The following MTM1 variants were observed in gnomAD, a reference collection of about 807,000 sequenced individuals.
The protein encoded by MTM1 is myotubularin 1.
Under a neutral mutation model 52.1 loss-of-function variants are expected in MTM1, and 9 were observed. The ratio of observed to expected loss-of-function variants is 0.17; its 90% CI spans 0.10 to 0.30. The LOEUF is 0.30. Among genes scored for constraint, MTM1 ranks in the 10% least tolerant of loss-of-function variants. MTM1 has a pLI of 1.00. For synonymous variants in MTM1, 136 were observed against 163.8 expected, an observed-to-expected ratio of 0.83 and a Z score of 1.29; for missense variants, 277 against 470.7, an observed-to-expected ratio of 0.59 and a Z score of 3.81.
At chrX:150,620,591 C>T (rs149753152) in intron 6 of MTM1, among the ~76,000 whole-genome samples, 1,210 of 111,907 alleles carry the variant, frequency 0.011, 9 homozygotes, top group Non-Finnish European at 0.014. Flanking sequence ...TGTATTCCTG[C>T]ACCATCTTGA....
chrX:150,607,117 A>G (rs2039182833), intron 4 of MTM1, among the ~76,000 whole-genome samples: 1 of 108,334 alleles, frequency 9.2e-6, no homozygotes, highest in Admixed American at 9.9e-5. Context: ...CTTCCCGAGT[A>G]GCTGGGATTA....
intron 12 of MTM1, among the ~76,000 whole-genome samples, 162 bp from the exon 13 acceptor site, chrX:150,660,209 T>TA (rs2040196267): frequency 1.8e-5 from 2 of 112,079 alleles, no homozygotes; most frequent in South Asian, 7.4e-4. Flanking sequence ...TATAAACTGC[T>TA]AAAAAAAGAA....
At chrX:150,668,146 C>G (rs1214458035) in intron 14 of MTM1, among the ~76,000 whole-genome samples, 2 of 112,742 alleles carry the variant, frequency 1.8e-5, no homozygotes, top group Non-Finnish European at 3.8e-5. Flanking sequence ...CCTGGAGCCA[C>G]TAGAAGCTGG....
At chrX:150,657,481 G>T (rs1471690096) in intron 10 of MTM1, among the ~76,000 whole-genome samples, 1 of 89,621 alleles carries the variant, frequency 1.1e-5, no homozygotes, top group Non-Finnish European at 2.2e-5. Flanking sequence ...TTGTGGGGTG[G>T]GGGGAGGGAT....
intron 8 of MTM1, among the ~76,000 whole-genome samples, chrX:150,644,474 CT>C (rs1183346425): frequency 1.8e-5 from 2 of 111,966 alleles, no homozygotes; most frequent in Non-Finnish European, 3.8e-5. Flanking sequence ...ACTGTATAAT[CT>C]TTTCTCAATA....
chrX:150,608,851 A>G lies in MTM1; in HGVS notation c.232-5738A>G, dbSNP rs782274260. ...GATGATTATTATTATTATTTTTGAG[A>G]TGAAGTCTCGCTCTTGTCCCCCGGC... On this transcript the variant is annotated intron_variant, in intron 4 of 14. Coordinates refer to ENST00000370396, the MANE Select transcript of MTM1 (RefSeq NM_000252.3). 7.2e-5 allele frequency among the ~76,000 whole-genome samples: 8 copies of G among 110,350 alleles called. No individual in the cohort carries two copies. The South Asian group carries it at 2.7e-3, about 38-fold the overall frequency.
intron 9 of MTM1, among the ~76,000 whole-genome samples, chrX:150,648,799 T>C (rs2039974522): frequency 8.9e-6 from 1 of 112,870 alleles, no homozygotes; most frequent in African/African-American, 3.2e-5. Context: ...TTCTATTCTT[T>C]CAGAGCTCAC....
At chrX:150,586,913 C>CA (rs10618246) in intron 1 of MTM1, among the ~76,000 whole-genome samples, 1,300 of 60,614 alleles carry the variant, frequency 0.021, 26 homozygotes, top group African/African-American at 0.075. Flanking sequence ...CACTCTGTCT[C>CA]AAAAAAAAAA....
chrX:150,607,695 A>G (rs1228638396), intron 4 of MTM1, among the ~76,000 whole-genome samples: 1 of 110,873 alleles, frequency 9.0e-6, no homozygotes, highest in Non-Finnish European at 1.9e-5. Flanking sequence ...CTCCATTGTC[A>G]GTTGCTTTCC....
intron 6 of MTM1, among the ~76,000 whole-genome samples, chrX:150,637,806 A>T (rs1395730968): frequency 8.9e-6 from 1 of 112,279 alleles, no homozygotes; most frequent in Admixed American, 9.4e-5. Context: ...GTGGCACAGG[A>T]GGCAGGTGTG....
At chrX:150,652,833 G>A (rs1557414259) in intron 10 of MTM1, among the ~76,000 whole-genome samples, 1 of 108,705 alleles carries the variant, frequency 9.2e-6, no homozygotes, top group African/African-American at 3.3e-5. Flanking sequence ...TTAAAAGAGA[G>A]AGCACAGGTA....
chrX:150,669,956 G>C (rs1465975831), intron 14 of MTM1, among the ~76,000 whole-genome samples: 2 of 111,912 alleles, frequency 1.8e-5, no homozygotes, highest in East Asian at 5.6e-4. Flanking sequence ...CCATGCCTAT[G>C]TCCTGAATGG....
intron 1 of MTM1, among the ~76,000 whole-genome samples, chrX:150,581,005 A>G (rs929054676): frequency 7.2e-5 from 8 of 111,883 alleles, no homozygotes; most frequent in African/African-American, 2.3e-4. Flanking sequence ...AAATTATTCA[A>G]TGTATTTTGG....
intron 1 of MTM1, among the ~76,000 whole-genome samples, chrX:150,582,105 CATATCTCAA>C (rs1485484974): frequency 9.0e-6 from 1 of 111,467 alleles, no homozygotes; most frequent in African/African-American, 3.3e-5. Context: ...TCCTTGAAGA[CATATCTCAA>C]ATTTTTTTGG....
At chrX:150,648,982 G>A (rs781933208) in intron 9 of MTM1, among the ~76,000 whole-genome samples, 43 of 112,563 alleles carry the variant, frequency 3.8e-4, no homozygotes, top group Non-Finnish European at 6.6e-4. Flanking sequence ...TGGCAAAATG[G>A]GGACAGTAAT....
At chrX:150,601,956 G>C (rs2039075449) in intron 4 of MTM1, among the ~76,000 whole-genome samples, 1 of 111,417 alleles carries the variant, frequency 9.0e-6, no homozygotes, top group African/African-American at 3.3e-5. Flanking sequence ...ACGGAACCTG[G>C]ATGCCCTTTC....
At chrX:150,588,029 G>A (rs2038820415) in intron 1 of MTM1, among the ~76,000 whole-genome samples, 1 of 111,241 alleles carries the variant, frequency 9.0e-6, no homozygotes, top group Admixed American at 9.6e-5. Flanking sequence ...TTTCGGGTCT[G>A]ATGGTATTGA....
At chrX:150,643,450 G>A (rs2039880500) in intron 8 of MTM1, among the ~76,000 whole-genome samples, 1 of 111,313 alleles carries the variant, frequency 9.0e-6, no homozygotes, top group African/African-American at 3.3e-5. Flanking sequence ...GCAAAAAGGA[G>A]TCTGCCACCT....
At chrX:150,658,516 G>A (rs2040164595) in intron 11 of MTM1, among the ~76,000 whole-genome samples, 1 of 110,950 alleles carries the variant, frequency 9.0e-6, no homozygotes, top group African/African-American at 3.3e-5. Context: ...TAACTATGAG[G>A]TAATGTGTAT....
Sources: gnomAD v4.1 joint callset for allele counts (sites outside exome capture counted in the v4.1 genomes callset) on GRCh38, gnomAD v4.1.1 for gene constraint, MANE v1.5 for transcripts, NCBI Gene and HGNC (gene_info 2026-07-23, HGNC 2026-07-21) for gene names.